The following NRXN3 variants were observed in gnomAD, a reference collection of about 807,000 sequenced individuals.
NRXN3 encodes neurexin III.
A neutral mutation model predicts 137.6 loss-of-function variants in NRXN3; 32 were observed. The ratio of observed to expected loss-of-function variants is 0.23; its 90% CI spans 0.18 to 0.31. NRXN3 has a LOEUF of 0.31. NRXN3 is among the 10% of genes least tolerant of loss of function. NRXN3 has a pLI of 1.00. For synonymous variants in NRXN3, 798 were observed against 784.5 expected (o/e 1.02, Z -0.29); for missense variants, 1,574 against 2,062.5 (o/e 0.76, Z 4.59).
intron 15 of NRXN3, among the ~76,000 whole-genome samples, chr14:79,361,809 T>C (rs2093691254): frequency 6.6e-6 from 1 of 152,008 alleles, no homozygotes; most frequent in Admixed American, 6.6e-5. Flanking sequence ...AAGGGAACAA[T>C]GTGTTTTTAC....
Position 79,288,919 on chromosome 14 carries a change from C to G in NRXN3, c.3263-178302C>G, listed in dbSNP as rs531881549. Reference sequence around the variant, plus strand: ...TGTCTTTTTTTTTGAATGAATGAATCAATGAATAAATGATTGAGTGAGGTT... The same window carrying G: ...TGTCTTTTTTTTTGAATGAATGAATGAATGAATAAATGATTGAGTGAGGTT... On this transcript the variant is annotated intron_variant, in intron 15 of 20. Transcript: ENST00000335750. Among the ~76,000 whole-genome samples the G allele has an allele frequency of 2.0e-5, 3 of 152,086 alleles. No individual in the cohort carries two copies. In the East Asian group the frequency reaches 5.8e-4, roughly 29 times the overall value.
chr14:78,701,814 C>A (rs946246649), intron 6 of NRXN3, among the ~76,000 whole-genome samples: 2 of 152,150 alleles, frequency 1.3e-5, no homozygotes, highest in African/African-American at 4.8e-5. Context: ...TTTTCTGGCT[C>A]CTGCCTTGCA....
At chr14:79,574,913 C>A (rs1290422070) in intron 16 of NRXN3, among the ~76,000 whole-genome samples, 1 of 151,824 alleles carries the variant, frequency 6.6e-6, no homozygotes, top group Admixed American at 6.6e-5. Flanking sequence ...TTTACTGGAG[C>A]TCCTCCCCAA....
rs576161646 is a variant in NRXN3 at position 79,711,549 on chromosome 14, G to T, written c.4014+13612G>T. 2.6e-5 allele frequency among the ~76,000 whole-genome samples: 4 copies of T among 151,866 alleles called. No individual in the cohort carries two copies. The South Asian group carries it at 6.3e-4, about 24-fold the overall frequency. ...TTCCCAGGTTGGTCTCAAACTCCTG[G>T]GCTCAAGTGATCCTCCTGCGTTGGA... On this transcript the variant is annotated intron_variant, in intron 19 of 20. Transcript: ENST00000335750.
At position 78,731,631 on chromosome 14, in the gene NRXN3, CTGTG is replaced by C. The variant is rs532280358; in HGVS notation, c.2044+16506_2044+16509del. On this transcript the variant is annotated intron_variant, in intron 8 of 20. Transcript: ENST00000335750. ...TATGTGTGTGTGTGTGTGTGTGTCT[CTGTG>C]TGTGTGTGTGTGTATTCTATTCTTG... 1.8e-3 allele frequency among the ~76,000 whole-genome samples: 262 copies of C among 146,920 alleles called. 1 individual carries two copies. The highest frequency in any genetic ancestry group is 3.1e-3 in the Admixed American group (46 of 14,650).
At chr14:79,165,714 G>C (rs980034730) in intron 15 of NRXN3, among the ~76,000 whole-genome samples, 1 of 151,970 alleles carries the variant, frequency 6.6e-6, no homozygotes, top group African/African-American at 2.4e-5. Context: ...GCATGGACAG[G>C]GAGGGGTCTT....
At chr14:78,577,580 C>T (rs1303407824) in intron 4 of NRXN3, among the ~76,000 whole-genome samples, 5 of 152,144 alleles carry the variant, frequency 3.3e-5, no homozygotes, top group Non-Finnish European at 7.4e-5. Flanking sequence ...ATCCTCCTGC[C>T]TCAGCCTCCC....
At chr14:78,545,070 A>G (rs1306143654) in intron 4 of NRXN3, among the ~76,000 whole-genome samples, 1 of 152,126 alleles carries the variant, frequency 6.6e-6, no homozygotes, top group Non-Finnish European at 1.5e-5. Context: ...ATGTTGTTTT[A>G]TTGGCATTCC....
intron 8 of NRXN3, among the ~76,000 whole-genome samples, chr14:78,717,486 C>T (rs184693488): frequency 1.3e-5 from 2 of 152,086 alleles, no homozygotes; most frequent in African/African-American, 4.8e-5. Context: ...GTTTTGTTCC[C>T]CTACTAATTG....
intron 4 of NRXN3, among the ~76,000 whole-genome samples, chr14:78,353,882 G>T (rs1428219370): frequency 1.3e-5 from 2 of 152,138 alleles, no homozygotes; most frequent in Non-Finnish European, 2.9e-5. Flanking sequence ...AGTGCACTGG[G>T]TAGTTTATGA....
chr14:79,175,423 A>G (rs2153107777), intron 15 of NRXN3, among the ~76,000 whole-genome samples: 1 of 152,354 alleles, frequency 6.6e-6, no homozygotes, highest in Admixed American at 6.5e-5. Context: ...GATTTTGGTT[A>G]TCACCAATCC....
intron 19 of NRXN3, among the ~76,000 whole-genome samples, chr14:79,740,748 A>T (rs1315631787): frequency 3.6e-5 from 2 of 56,166 alleles, no homozygotes; most frequent in Admixed American, 1.6e-4. Flanking sequence ...ATATATATAT[A>T]TATATATATA....
rs2083896661 is a variant in NRXN3, at chr14:78,353,812, A to G, written c.757+55952A>G. Reference sequence around the variant, plus strand: ...GGGGAGGTACAGATTGAAATTCGTAAGGGGATAAAATAAAACTACAGTCCT... The same window carrying G: ...GGGGAGGTACAGATTGAAATTCGTAGGGGGATAAAATAAAACTACAGTCCT... On this transcript the variant is annotated intron_variant, in intron 4 of 20. Transcript: ENST00000335750. Among the ~76,000 whole-genome samples, 3 of 152,142 alleles carry G rather than the reference A, an allele frequency of 2.0e-5. No homozygotes were observed. In the South Asian group the frequency reaches 6.2e-4, roughly 32 times the overall value.
At position 79,158,007 on chromosome 14, in the gene NRXN3, T is replaced by C. The variant is rs113816338; in HGVS notation, c.3262+169866T>C. On this transcript the variant is annotated intron_variant, in intron 15 of 20. Transcript: ENST00000335750. ...AGGGGATTGTGATTGAGTAAAGATC[T>C]TTCTTAGAATCATGTCCTCATTTGT... Among the ~76,000 whole-genome samples, 259 of 151,904 alleles carry C rather than the reference T, an allele frequency of 1.7e-3. 1 individual carries two copies. Among genetic ancestry groups the C allele is most frequent in the African/African-American group, 5.6e-3 (234 of 41,516 alleles).
intron 17 of NRXN3, among the ~76,000 whole-genome samples, chr14:79,675,307 T>C (rs1054493519): frequency 3.3e-5 from 5 of 152,094 alleles, no homozygotes; most frequent in Non-Finnish European, 5.9e-5. Context: ...ATAAATATGA[T>C]ATGATTTGCA....
intron 10 of NRXN3, among the ~76,000 whole-genome samples, chr14:78,810,823 A>T (rs1352774956): frequency 6.6e-6 from 1 of 152,188 alleles, no homozygotes; most frequent in Admixed American, 6.5e-5. Context: ...AACTTCTAGC[A>T]GGTGGGCAGA....
At chr14:79,288,543 C>T (rs1042175673) in intron 15 of NRXN3, among the ~76,000 whole-genome samples, 7 of 152,096 alleles carry the variant, frequency 4.6e-5, no homozygotes, top group African/African-American at 1.4e-4. Context: ...GACTATTTTA[C>T]GATTAAAAAC....
chr14:79,091,404 A>T (rs990140571), intron 15 of NRXN3, among the ~76,000 whole-genome samples: 1 of 152,140 alleles, frequency 6.6e-6, no homozygotes, highest in African/African-American at 2.4e-5. Flanking sequence ...GTAGTATTTT[A>T]TTACCAAAAT....
chr14:79,228,958 G>A (rs1377356403), intron 15 of NRXN3, among the ~76,000 whole-genome samples: 1 of 152,120 alleles, frequency 6.6e-6, no homozygotes, highest in Non-Finnish European at 1.5e-5. Flanking sequence ...CTCAGCCCCA[G>A]AGTGTAACAA....
Sources: gnomAD v4.1 joint callset for allele counts (sites outside exome capture counted in the v4.1 genomes callset) on GRCh38, gnomAD v4.1.1 for gene constraint, MANE v1.5 for transcripts, NCBI Gene and HGNC (gene_info 2026-07-23, HGNC 2026-07-21) for gene names.